Variants in SGSM2 observed in about 807,000 individuals in gnomAD.
SGSM2 encodes RUN and TBC1 domain containing 1.
Under a neutral mutation model 126.6 loss-of-function variants are expected in SGSM2, and 89 were observed. The observed-to-expected ratio is 0.70, with a 90% CI of 0.59 to 0.84. The LOEUF is 0.84. SGSM2 is among the 40% of genes least tolerant of loss of function. The pLI, the probability that SGSM2 is intolerant of heterozygous loss-of-function variation, is 0.00. For synonymous variants in SGSM2, 614 were observed against 574.3 expected, an observed-to-expected ratio of 1.07 and a Z score of -0.99; for missense variants, 1,404 against 1,416.6, an observed-to-expected ratio of 0.99 and a Z score of 0.14.
Position 2,337,621 on chromosome 17 carries a change from C to A in SGSM2, c.-68C>A. 8.3e-7 allele frequency: 1 copy of A among 1,206,792 alleles called. No homozygotes were observed. Among genetic ancestry groups the A allele is most frequent in the Non-Finnish European group, 1.1e-6 (1 of 925,604 alleles). The allele number at this position is 1,206,792 out of a possible 1,614,324, so 74.8% of individuals were successfully genotyped here. On this transcript the variant is annotated 5_prime_UTR_variant, in exon 1 of 24. Transcript: ENST00000268989. This position sits in a 1 kb window ranked among gnomAD's most constrained non-coding sequence, Gnocchi z 5.1. ...CCGCCTTGCGCGTGGGGCGCTGAGC[C>A]GAGAGGCGCGGAGGCGGCGAGGGCG...
intron 2 of SGSM2, among the ~76,000 whole-genome samples, chr17:2,351,084 C>G (rs944016921): frequency 2.0e-5 from 3 of 152,100 alleles, no homozygotes; most frequent in African/African-American, 7.2e-5. Context: ...AAAACCCCTT[C>G]TCTACTAAAA....
Position 2,340,670 on chromosome 17 carries a change from C to T in SGSM2, c.58-2875C>T, listed in dbSNP as rs372755869. On this transcript the variant is annotated intron_variant, in intron 1 of 23. Transcript: ENST00000268989. The stretch of plus-strand genomic sequence containing the variant: ...CGCCATCTCAGCTCACTGCAAGCTC[C>T]GCCTCCCGGGTTCACGCCTTTCTCC... Among the ~76,000 whole-genome samples the T allele has an allele frequency of 1.9e-3, 283 of 151,902 alleles. 1 individual carries two copies. The highest frequency in any genetic ancestry group is 5.0e-3 in the South Asian group (24 of 4,806).
rs754035364 is a variant in SGSM2, at chr17:2,362,953, G to C, written c.527-36G>C. 6.2e-7 allele frequency: 1 copy of C among 1,614,082 alleles called. No individual in the cohort carries two copies. The highest frequency in any genetic ancestry group is 1.1e-5 in the South Asian group (1 of 91,084). ...AGTGGGTACGGGGCAGGTGCTGAGG[G>C]AGCATCGTCTGGGCTGGCTGTCTCT... is the stretch of plus-strand genomic sequence containing the variant. On this transcript the variant is annotated intron_variant, in intron 5 of 23. Transcript: ENST00000268989. This position sits in a 1 kb window ranked among gnomAD's most constrained non-coding sequence, Gnocchi z 4.9.
intron 2 of SGSM2, among the ~76,000 whole-genome samples, chr17:2,347,899 A>C (rs1436807447): frequency 6.6e-6 from 1 of 152,114 alleles, no homozygotes; most frequent in Admixed American, 6.5e-5. Flanking sequence ...TCTCAGGCCA[A>C]TCATATCTCC....
rs1325152045 is a variant in SGSM2 at position 2,379,035 on chromosome 17, G to A, written c.2900-1G>A. Reference sequence around the variant, plus strand: ...GAGCAGCAGCCGCTTACTCTCCGCAGAACTGCTGTATGAGGATGTGTTTGC... The same window carrying A: ...GAGCAGCAGCCGCTTACTCTCCGCAAAACTGCTGTATGAGGATGTGTTTGC... On this transcript the variant is annotated splice_acceptor_variant, in intron 22 of 23. Coordinates refer to ENST00000268989, the MANE Select transcript of SGSM2 (RefSeq NM_014853.3). LOFTEE classifies it high-confidence loss of function. 6.2e-7 allele frequency: 1 copy of A among 1,613,654 alleles called. No individual in the cohort carries two copies.
chr17:2,376,666 C>T (rs1353831471), intron 19 of SGSM2, 67 bp from the exon 20 acceptor site: 2 of 1,570,594 alleles, frequency 1.3e-6, no homozygotes. Flanking sequence ...TGGAGGACGT[C>T]TTCCCAGGGA....
Position 2,380,195 on chromosome 17 carries a change from C to T in SGSM2, c.*675C>T. On this transcript the variant is annotated 3_prime_UTR_variant, in exon 24 of 24. Transcript: ENST00000268989. Reference sequence around the variant, plus strand: ...GAGGTGACCCCCAGGCCTCCCCGGCCTTGTACAGTGTACCTCTGTGTATCT... The same window carrying T: ...GAGGTGACCCCCAGGCCTCCCCGGCTTTGTACAGTGTACCTCTGTGTATCT... 6.5e-7 allele frequency: 1 copy of T among 1,533,524 alleles called. No individual in the cohort carries two copies. The highest frequency in any genetic ancestry group is 8.7e-7 in the Non-Finnish European group (1 of 1,145,338). 95.0% of individuals were successfully genotyped at this position (1,533,524 alleles called of 1,614,324 possible). A position where few individuals can be genotyped will look rare whatever the true frequency, so the allele number is the denominator to read the frequency against.
intron 19 of SGSM2, 170 bp from the exon 20 acceptor site, chr17:2,376,563 C>A: frequency 1.3e-6 from 1 of 777,514 alleles, no homozygotes. Flanking sequence ...TTGGGGGGGA[C>A]CCGTGGGTTG....
intron 2 of SGSM2, among the ~76,000 whole-genome samples, chr17:2,349,934 C>T (rs1228609014): frequency 2.0e-5 from 3 of 151,840 alleles, no homozygotes; most frequent in Admixed American, 6.6e-5. Flanking sequence ...ACTACAGGCG[C>T]CCACCACCAC....
chr17:2,365,394 C>G lies in SGSM2; in HGVS notation c.1288+53C>G. The G allele has an allele frequency of 3.4e-6, 5 of 1,482,422 alleles. No homozygotes were observed. In the South Asian group the frequency reaches 6.8e-5, roughly 20 times the overall value. 91.8% of individuals were successfully genotyped at this position (1,482,422 alleles called of 1,614,324 possible). ...GAGGAGAGGAAGACGCTCTGGGAGG[C>G]GGGGAGCGCAGCGTCACCCAGGAGG... On this transcript the variant is annotated intron_variant, in intron 11 of 23. Coordinates refer to ENST00000268989, the MANE Select transcript of SGSM2 (RefSeq NM_014853.3).
At chr17:2,376,593 G>T (rs2066168324) in intron 19 of SGSM2, 140 bp from the exon 20 acceptor site, 3 of 920,430 alleles carry the variant, frequency 3.3e-6, no homozygotes, top group Admixed American at 1.9e-5. Context: ...GTCTCCCTGT[G>T]GGGGGTGCAC....
intron 12 of SGSM2, among the ~76,000 whole-genome samples, chr17:2,370,654 G>C (rs546850887): frequency 1.7e-4 from 26 of 152,362 alleles, no homozygotes; most frequent in African/African-American, 6.3e-4. Context: ...CATAGGAGCT[G>C]ACAGCAGGGG....
chr17:2,371,332 C>G lies in SGSM2; in HGVS notation c.1494C>G (p.Cys498Trp), dbSNP rs999827395. The change falls in exon 13 of 24, where the codon TGC becomes TGG. Residue 498 changes from cysteine (C) to tryptophan (W), a missense_variant. Coordinates refer to ENST00000268989, the MANE Select transcript of SGSM2 (RefSeq NM_014853.3). Reference protein sequence around the residue: ...SLPAWHLEPLCSQGSSCLSCS... With the variant: ...SLPAWHLEPLWSQGSSCLSCS... ...CAGCCTGGCACCTGGAGCCCCTGTGCAGTCAGGGCTCCTCCTGCCTCTCCT... is the reference window on the plus strand; with the variant it reads ...CAGCCTGGCACCTGGAGCCCCTGTGGAGTCAGGGCTCCTCCTGCCTCTCCT... 1 of 1,612,322 alleles carries G rather than the reference C, an allele frequency of 6.2e-7. No individual in the cohort carries two copies. Among genetic ancestry groups the G allele is most frequent in the Non-Finnish European group, 8.5e-7 (1 of 1,179,746 alleles).
At chr17:2,351,347 A>G (rs1200024423) in intron 2 of SGSM2, among the ~76,000 whole-genome samples, 1 of 151,950 alleles carries the variant, frequency 6.6e-6, no homozygotes, top group African/African-American at 2.4e-5. Flanking sequence ...TGTGAGGCCT[A>G]CCCAGGAGTA....
intron 2 of SGSM2, among the ~76,000 whole-genome samples, chr17:2,347,012 C>T (rs2064626549): frequency 6.6e-6 from 1 of 152,102 alleles, no homozygotes; most frequent in South Asian, 2.1e-4. Context: ...TCACTTGAGC[C>T]CGGGAGGTTG....
At chr17:2,340,570 C>T (rs2064303560) in intron 1 of SGSM2, among the ~76,000 whole-genome samples, 1 of 151,832 alleles carries the variant, frequency 6.6e-6, no homozygotes, top group South Asian at 2.1e-4. Context: ...TTCTCCTTTC[C>T]TCCTTCAGTG....
intron 2 of SGSM2, among the ~76,000 whole-genome samples, chr17:2,350,707 G>A (rs1024557614): frequency 6.6e-6 from 1 of 152,172 alleles, no homozygotes; most frequent in Non-Finnish European, 1.5e-5. Flanking sequence ...TCAGAGACAA[G>A]TCCAACTAGA....
chr17:2,373,176 C>G, intron 16 of SGSM2, 95 bp downstream of exon 16: 2 of 1,563,654 alleles, frequency 1.3e-6, no homozygotes, highest in South Asian at 1.2e-5. Context: ...CCCTTCCCAG[C>G]CGGAAAGAAG....
At chr17:2,352,306 G>A (rs900929296) in intron 2 of SGSM2, among the ~76,000 whole-genome samples, 1 of 152,162 alleles carries the variant, frequency 6.6e-6, no homozygotes, top group East Asian at 1.9e-4. Context: ...TCTAATTAGC[G>A]TCTCCCAAAG....
Sources: allele counts gnomAD v4.1 joint callset (sites outside exome capture counted in the v4.1 genomes callset), GRCh38; gene constraint gnomAD v4.1.1; non-coding constraint Gnocchi (gnomAD v3.1); transcripts MANE v1.5; gene names NCBI Gene and HGNC (gene_info 2026-07-23, HGNC 2026-07-21).